PARD6A: variants seen among roughly 807,000 people sequenced by gnomAD.
The protein encoded by PARD6A is par-6 family cell polarity regulator alpha.
Under a neutral mutation model 21.3 loss-of-function variants are expected in PARD6A, and 20 were observed. The observed-to-expected ratio is 0.94, with a 90% confidence interval of 0.66 to 1.36. The LOEUF (loss-of-function observed/expected upper bound fraction) is 1.36, where lower values mean the gene tolerates loss of function less well. Among genes scored for constraint, PARD6A ranks in the 40% most tolerant of loss-of-function variants. The probability of loss-of-function intolerance (pLI) is 0.00; values close to 1 mark genes in which losing one functional copy is unlikely to be tolerated. For synonymous variants in PARD6A, 214 were observed against 204.8 expected (o/e 1.04, Z -0.38); for missense variants, 411 against 482.0 (o/e 0.85, Z 1.38).
chr16:67,662,026 C>A lies in PARD6A; in HGVS notation c.417C>A (p.Arg139=), dbSNP rs759583879. 6.2e-6 allele frequency: 10 copies of A among 1,613,904 alleles called. No individual in the cohort carries two copies. The South Asian group carries it at 9.9e-5, about 16-fold the overall frequency. Residue 139 remains arginine, a synonymous_variant, in exon 3 of 3, where the codon CGC becomes CGA. Transcript: ENST00000458121. The surrounding 1 kb of genome is among the most constrained non-coding windows in gnomAD (Gnocchi z 6.9). ...PLLISLPQDF[R]QVSSVIDVDL... The stretch of plus-strand genomic sequence containing the variant: ...TAATCAGCCTGCCCCAAGATTTCCG[C>A]CAGGTTTCCTCAGTCATAGACGTGG...
chr16:67,661,348 G>A lies in PARD6A; in HGVS notation c.64-107G>A. The A allele has an allele frequency of 6.9e-7, 1 of 1,458,424 alleles. No homozygotes were observed. The highest frequency in any genetic ancestry group is 9.1e-7 in the Non-Finnish European group (1 of 1,099,080). 90.3% of individuals were successfully genotyped at this position (1,458,424 alleles called of 1,614,324 possible). ...TACTGGAGCTGAGGTCTGGGCTTAA[G>A]GCTGCCGCAAAAGCGGCAGCCGCAT... On this transcript the variant is annotated intron_variant, in intron 1 of 2. Transcript: ENST00000458121. The surrounding 1 kb of genome is among the most constrained non-coding windows in gnomAD (Gnocchi z 7.0).
rs35356834 is a variant in PARD6A at position 67,662,462 on chromosome 16, G to A, written c.853G>A (p.Val285Ile). Residue 285 changes from valine (V) to isoleucine (I), a missense_variant, in exon 3 of 3, where the codon GTC (valine) becomes ATC (isoleucine). Val to Ile is a conservative substitution (Grantham distance 29). Coordinates refer to ENST00000458121, the MANE Select transcript of PARD6A (RefSeq NM_001037281.2). This position sits in a 1 kb window ranked among gnomAD's most constrained non-coding sequence, Gnocchi z 6.9. ...PDSDDDSSDL[V>I]IENRQPPSSN... Reference sequence around the variant, plus strand: ...TAGTGACGATGACAGCAGTGACCTGGTCATTGAGAACCGCCAGCCTCCCAG... The same window carrying A: ...TAGTGACGATGACAGCAGTGACCTGATCATTGAGAACCGCCAGCCTCCCAG... 60,232 of 1,613,598 alleles carry A rather than the reference G, an allele frequency of 0.037. 1,337 individuals are homozygous for A. The highest frequency in any genetic ancestry group is 0.1 in the Middle Eastern group (626 of 6,062).
At position 67,661,162 on chromosome 16, in the gene PARD6A, G is replaced by C. The variant is rs2053007827; in HGVS notation, c.63+61G>C. 2 of 1,396,184 alleles carry C rather than the reference G, an allele frequency of 1.4e-6. No individual in the cohort carries two copies. The highest frequency in any genetic ancestry group is 1.4e-5 in the African/African-American group (1 of 70,902). 86.5% of individuals were successfully genotyped at this position (1,396,184 alleles called of 1,614,324 possible). On this transcript the variant is annotated intron_variant, in intron 1 of 2. Coordinates refer to ENST00000458121, the MANE Select transcript of PARD6A (RefSeq NM_001037281.2). This position sits in a 1 kb window ranked among gnomAD's most constrained non-coding sequence, Gnocchi z 7.0. ...CAATTCCCTCTTTCTCCCCTTCCCA[G>C]CTCCTTGGTCCCCGCCACCTCTTCC...
Position 67,661,086 on chromosome 16 carries a change from C to A in PARD6A, c.48C>A (p.Val16=). The A allele has an allele frequency of 6.2e-7, 1 of 1,609,744 alleles. No individual in the cohort carries two copies. The highest frequency in any genetic ancestry group is 8.5e-7 in the Non-Finnish European group (1 of 1,178,042). Residue 16 remains valine, a synonymous_variant, in exon 1 of 3, where the codon GTC becomes GTA. Transcript: ENST00000458121. This position sits in a 1 kb window ranked among gnomAD's most constrained non-coding sequence, Gnocchi z 7.0. The part of the protein sequence containing the change: ...RTPARSPDSI[V]EVKSKFDAEF... Reference sequence around the variant, plus strand: ...CGGCGCGCAGTCCCGATAGCATCGTCGAGGTGAAGAGCAAAGTAAGGGCTC... The same window carrying A: ...CGGCGCGCAGTCCCGATAGCATCGTAGAGGTGAAGAGCAAAGTAAGGGCTC...
chr16:67,661,816 AATAGCT>A lies in PARD6A; in HGVS notation c.287-78_287-73del, dbSNP rs1333195215. 9 of 1,535,786 alleles carry A rather than the reference AATAGCT, an allele frequency of 5.9e-6. No individual in the cohort carries two copies. In the African/African-American group the frequency reaches 9.6e-5, roughly 16 times the overall value. On this transcript the variant is annotated intron_variant, in intron 2 of 2. Coordinates refer to ENST00000458121, the MANE Select transcript of PARD6A (RefSeq NM_001037281.2). The surrounding 1 kb of genome is among the most constrained non-coding windows in gnomAD (Gnocchi z 7.0). The stretch of plus-strand genomic sequence containing the variant: ...TTGGCTTGACCTCTAAGTGGTAGGA[AATAGCT>A]ACAGTGCCCCCTGTAAACAGCCCAA...
Position 67,661,181 on chromosome 16 carries a change from C to T in PARD6A, c.63+80C>T. ...TTCCCAGCTCCTTGGTCCCCGCCAC[C>T]TCTTCCCTCTATCCTCCAAGTCCCA... On this transcript the variant is annotated intron_variant, in intron 1 of 2. Transcript: ENST00000458121. This position sits in a 1 kb window ranked among gnomAD's most constrained non-coding sequence, Gnocchi z 7.0. 2.4e-6 allele frequency: 3 copies of T among 1,248,922 alleles called. No homozygotes were observed. The Admixed American group carries it at 5.1e-5, about 21-fold the overall frequency. 77.4% of individuals were successfully genotyped at this position (1,248,922 alleles called of 1,614,324 possible).
rs748292548 is a variant in PARD6A at position 67,661,408 on chromosome 16, GGC to G, written c.64-44_64-43del. On this transcript the variant is annotated intron_variant, in intron 1 of 2. Transcript: ENST00000458121. The surrounding 1 kb of genome is among the most constrained non-coding windows in gnomAD (Gnocchi z 7.0). ...TCCTGCCAGCCTGCGGTGAGAAAGG[GGC>G]GCAGGCTGTCCTGACTCCTCCTCTC... The G allele has an allele frequency of 1.7e-5, 27 of 1,595,776 alleles. No individual in the cohort carries two copies. The Admixed American group carries it at 3.9e-4, about 23-fold the overall frequency.
Position 67,661,982 on chromosome 16 carries a change from C to G in PARD6A, c.373C>G (p.Arg125Gly). ...CTTGCTGCGGCCAGTGGCACCCCTG[C>G]GCACCCGGCCACCCTTGCTAATCAG... Reference protein sequence around the residue: ...GLLLRPVAPLRTRPPLLISLP... With the variant: ...GLLLRPVAPLGTRPPLLISLP... Residue 125 changes from arginine to glycine, a missense_variant, in exon 3 of 3, where the codon CGC (arginine) becomes GGC (glycine). Coordinates refer to ENST00000458121, the MANE Select transcript of PARD6A (RefSeq NM_001037281.2). The surrounding 1 kb of genome is among the most constrained non-coding windows in gnomAD (Gnocchi z 7.0). 6.2e-7 allele frequency: 1 copy of G among 1,613,048 alleles called. No individual in the cohort carries two copies. The highest frequency in any genetic ancestry group is 8.5e-7 in the Non-Finnish European group (1 of 1,180,020).
Position 67,662,072 on chromosome 16 carries a change from C to A in PARD6A, c.463C>A (p.Arg155=). ...CGTGGACCTACTGCCTGAGACCCACCGACGGGTGCGGCTGCACAAGCATGG... is the reference window on the plus strand; with the variant it reads ...CGTGGACCTACTGCCTGAGACCCACAGACGGGTGCGGCTGCACAAGCATGG... ...IDVDLLPETH[R]RVRLHKHGSD... is the part of the protein sequence containing the mutation. Residue 155 remains arginine (R), a synonymous_variant, in exon 3 of 3, where the codon CGA becomes AGA. Coordinates refer to ENST00000458121, the MANE Select transcript of PARD6A (RefSeq NM_001037281.2). This position sits in a 1 kb window ranked among gnomAD's most constrained non-coding sequence, Gnocchi z 6.9. 2 of 1,613,880 alleles carry A rather than the reference C, an allele frequency of 1.2e-6. No homozygotes were observed. Among genetic ancestry groups the A allele is most frequent in the Non-Finnish European group, 1.7e-6 (2 of 1,180,006 alleles).
At position 67,661,132 on chromosome 16, in the gene PARD6A, G is replaced by T. The variant is rs374942246; in HGVS notation, c.63+31G>T. ...GGCTCCTCCGGCCTCGGCCCTAGGCGCTCCCAATTCCCTCTTTCTCCCCTT... is the reference window on the plus strand; with the variant it reads ...GGCTCCTCCGGCCTCGGCCCTAGGCTCTCCCAATTCCCTCTTTCTCCCCTT... On this transcript the variant is annotated intron_variant, in intron 1 of 2. Coordinates refer to ENST00000458121, the MANE Select transcript of PARD6A (RefSeq NM_001037281.2). The surrounding 1 kb of genome is among the most constrained non-coding windows in gnomAD (Gnocchi z 7.0). 6 of 1,565,154 alleles carry T rather than the reference G, an allele frequency of 3.8e-6. No homozygotes were observed. Among genetic ancestry groups the T allele is most frequent in the South Asian group, 1.1e-5 (1 of 90,094 alleles).
At position 67,661,385 on chromosome 16, in the gene PARD6A, C is replaced by T; in HGVS notation, c.64-70C>T. ...AGCGGCAGCCGCATCTTTCCCATTCCTGCCAGCCTGCGGTGAGAAAGGGGC... is the reference window on the plus strand; with the variant it reads ...AGCGGCAGCCGCATCTTTCCCATTCTTGCCAGCCTGCGGTGAGAAAGGGGC... On this transcript the variant is annotated intron_variant, in intron 1 of 2. Coordinates refer to ENST00000458121, the MANE Select transcript of PARD6A (RefSeq NM_001037281.2). This position sits in a 1 kb window ranked among gnomAD's most constrained non-coding sequence, Gnocchi z 7.0. The T allele has an allele frequency of 3.2e-6, 5 of 1,563,308 alleles. No individual in the cohort carries two copies. Among genetic ancestry groups the T allele is most frequent in the Non-Finnish European group, 4.3e-6 (5 of 1,162,690 alleles).
chr16:67,661,097 G>A lies in PARD6A; in HGVS notation c.59G>A (p.Ser20Asn). 6.2e-7 allele frequency: 1 copy of A among 1,609,844 alleles called. No individual in the cohort carries two copies. The highest frequency in any genetic ancestry group is 8.5e-7 in the Non-Finnish European group (1 of 1,177,680). The change falls in exon 1 of 3, where the codon AGC (serine) becomes AAC (asparagine). Residue 20 changes from serine (S) to asparagine (N), a missense_variant. Coordinates refer to ENST00000458121, the MANE Select transcript of PARD6A (RefSeq NM_001037281.2). This position sits in a 1 kb window ranked among gnomAD's most constrained non-coding sequence, Gnocchi z 7.0. Reference sequence around the variant, plus strand: ...CCCGATAGCATCGTCGAGGTGAAGAGCAAAGTAAGGGCTCCTCCGGCCTCG... The same window carrying A: ...CCCGATAGCATCGTCGAGGTGAAGAACAAAGTAAGGGCTCCTCCGGCCTCG... The part of the protein sequence containing the change: ...RSPDSIVEVK[S>N]KFDAEFRRFA...
Position 67,662,426 on chromosome 16 carries a change from G to A in PARD6A, c.817G>A (p.Ala273Thr), listed in dbSNP as rs561960251. The A allele has an allele frequency of 1.2e-6, 2 of 1,613,850 alleles. No homozygotes were observed. The highest frequency in any genetic ancestry group is 2.7e-5 in the African/African-American group (2 of 75,056). The change falls in exon 3 of 3, where the codon GCT becomes ACT. Residue 273 changes from alanine to threonine, a missense_variant. Transcript: ENST00000458121. This position sits in a 1 kb window ranked among gnomAD's most constrained non-coding sequence, Gnocchi z 6.9. ...TGPPSAGPGP[A>T]EPDSDDDSSD... is the part of the protein sequence containing the mutation. ...TCCTCCCTCTGCAGGGCCTGGGCCT[G>A]CTGAGCCTGATAGTGACGATGACAG...
chr16:67,662,346 A>G lies in PARD6A; in HGVS notation c.737A>G (p.Lys246Arg). Residue 246 changes from lysine to arginine, a missense_variant, in exon 3 of 3, where the codon AAG becomes AGG. Transcript: ENST00000458121. The surrounding 1 kb of genome is among the most constrained non-coding windows in gnomAD (Gnocchi z 6.9). ...AGCCATAACCTCATTGTCACTGTCA[A>G]GCCCGCCAACCAGCGCAATAACGTG... ...ANSHNLIVTVKPANQRNNVVR... is the reference protein window; with the variant it reads ...ANSHNLIVTVRPANQRNNVVR... 1 of 1,614,134 alleles carries G rather than the reference A, an allele frequency of 6.2e-7. No homozygotes were observed. Among genetic ancestry groups the G allele is most frequent in the Non-Finnish European group, 8.5e-7 (1 of 1,180,046 alleles).
In PARD6A at chr16:67,662,087, C is replaced by G. The variant is rs779289719; in HGVS notation, c.478C>G (p.His160Asp). The change falls in exon 3 of 3, where the codon CAC becomes GAC. Residue 160 changes from histidine to aspartate, a missense_variant. His to Asp is a moderately conservative substitution (Grantham distance 81, BLOSUM62 -1). Coordinates refer to ENST00000458121, the MANE Select transcript of PARD6A (RefSeq NM_001037281.2). The surrounding 1 kb of genome is among the most constrained non-coding windows in gnomAD (Gnocchi z 6.9). ...LPETHRRVRLHKHGSDRPLGF... is the reference protein window; with the variant it reads ...LPETHRRVRLDKHGSDRPLGF... Reference sequence around the variant, plus strand: ...TGAGACCCACCGACGGGTGCGGCTGCACAAGCATGGTTCAGACCGCCCCCT... The same window carrying G: ...TGAGACCCACCGACGGGTGCGGCTGGACAAGCATGGTTCAGACCGCCCCCT... 1.9e-6 allele frequency: 3 copies of G among 1,613,736 alleles called. No individual in the cohort carries two copies. Among genetic ancestry groups the G allele is most frequent in the Non-Finnish European group, 2.5e-6 (3 of 1,179,978 alleles).
At position 67,662,539 on chromosome 16, in the gene PARD6A, C is replaced by T. The variant is rs752647489; in HGVS notation, c.930C>T (p.Cys310=). Residue 310 remains cysteine (C), a synonymous_variant, in exon 3 of 3, where the codon TGC becomes TGT. Transcript: ENST00000458121. The surrounding 1 kb of genome is among the most constrained non-coding windows in gnomAD (Gnocchi z 6.9). ...CGTGCTGGGACCTGCACCCTGGCTG[C>T]CGACATCCTGGTACCCGCAGCTCTC... ...GPPCWDLHPG[C]RHPGTRSSLP... is the part of the protein sequence containing the mutation. 2 of 1,613,156 alleles carry T rather than the reference C, an allele frequency of 1.2e-6. No individual in the cohort carries two copies. Among genetic ancestry groups the T allele is most frequent in the Non-Finnish European group, 1.7e-6 (2 of 1,180,002 alleles).
rs1366412124 is a variant in PARD6A at position 67,662,486 on chromosome 16, A to T, written c.877A>T (p.Ser293Cys). The T allele has an allele frequency of 6.2e-7, 1 of 1,613,646 alleles. No individual in the cohort carries two copies. The highest frequency in any genetic ancestry group is 8.5e-7 in the Non-Finnish European group (1 of 1,180,006). ...DLVIENRQPP[S>C]SNGLSQGPPC... ...GGTCATTGAGAACCGCCAGCCTCCC[A>T]GTTCCAATGGGCTGTCTCAGGGGCC... The change falls in exon 3 of 3, where the codon AGT becomes TGT. Residue 293 changes from serine to cysteine, a missense_variant. Ser to Cys is a moderately radical substitution (Grantham distance 112). Transcript: ENST00000458121. This position sits in a 1 kb window ranked among gnomAD's most constrained non-coding sequence, Gnocchi z 6.9.
rs2053034699 is a variant in PARD6A, at chr16:67,662,299, G to A, written c.690G>A (p.Val230=). Residue 230 remains valine (V), a synonymous_variant, in exon 3 of 3, where the codon GTG becomes GTA. Transcript: ENST00000458121. The surrounding 1 kb of genome is among the most constrained non-coding windows in gnomAD (Gnocchi z 6.9). ...TAGCCGGGAAGACCTTGGACCAAGT[G>A]ACGGACATGATGGTTGCCAACAGCC... ...IEVAGKTLDQ[V]TDMMVANSHN... 1.9e-6 allele frequency: 3 copies of A among 1,614,116 alleles called. No homozygotes were observed. Among genetic ancestry groups the A allele is most frequent in the Non-Finnish European group, 2.5e-6 (3 of 1,180,038 alleles).
Position 67,661,793 on chromosome 16 carries a change from G to A in PARD6A, c.287-103G>A. On this transcript the variant is annotated intron_variant, in intron 2 of 2. Coordinates refer to ENST00000458121, the MANE Select transcript of PARD6A (RefSeq NM_001037281.2). This position sits in a 1 kb window ranked among gnomAD's most constrained non-coding sequence, Gnocchi z 7.0. ...GTCACCCTCTGCAGTCCCTGCCCTT[G>A]GCTTGACCTCTAAGTGGTAGGAAAT... The A allele has an allele frequency of 6.5e-7, 1 of 1,541,748 alleles. No individual in the cohort carries two copies. Among genetic ancestry groups the A allele is most frequent in the Admixed American group, 1.9e-5 (1 of 53,050 alleles).
Sources: allele counts gnomAD v4.1 joint callset, GRCh38; gene constraint gnomAD v4.1.1; non-coding constraint Gnocchi (gnomAD v3.1); transcripts MANE v1.5; gene names NCBI Gene and HGNC (gene_info 2026-07-23, HGNC 2026-07-21).